Variants in CHIC1 observed in about 807,000 individuals in gnomAD.
The protein encoded by CHIC1 is cysteine-rich hydrophobic domain-containing protein 1.
Under a neutral mutation model 18.5 loss-of-function variants are expected in CHIC1, and 7 were observed. The observed-to-expected ratio is 0.38, with a 90% CI of 0.22 to 0.71. The LOEUF (loss-of-function observed/expected upper bound fraction) is 0.71, where lower values mean the gene tolerates loss of function less well. Among genes scored for constraint, CHIC1 ranks in the 30% least tolerant of loss-of-function variants. The pLI is 0.49. For missense variants in CHIC1, 159 were observed against 176.9 expected (o/e 0.90, Z 0.57); for synonymous variants, 77 against 73.5 (o/e 1.05, Z -0.25).
intron 3 of CHIC1, among the ~76,000 whole-genome samples, chrX:73,653,297 C>G (rs2057926832): frequency 9.0e-6 from 1 of 111,354 alleles, no homozygotes; most frequent in African/African-American, 3.3e-5. Context: ...TACACGTATA[C>G]CTATGTAACA....
chrX:73,660,592 C>T (rs920978612), intron 3 of CHIC1, among the ~76,000 whole-genome samples: 2 of 111,912 alleles, frequency 1.8e-5, no homozygotes, highest in African/African-American at 6.5e-5. Flanking sequence ...TTTGCTCAGC[C>T]TCCAGAGTTG....
intron 3 of CHIC1, among the ~76,000 whole-genome samples, chrX:73,666,606 TC>T (rs1237029244): frequency 8.9e-5 from 10 of 112,288 alleles, no homozygotes; most frequent in African/African-American, 3.2e-4. Flanking sequence ...ACACCCAGGA[TC>T]AATACTTTGT....
chrX:73,617,295 A>G (rs963956498), intron 3 of CHIC1, among the ~76,000 whole-genome samples: 1 of 111,665 alleles, frequency 9.0e-6, no homozygotes, highest in African/African-American at 3.3e-5. Flanking sequence ...TTCATTGTCC[A>G]TATTATTATT....
chrX:73,619,946 GA>G (rs1449798576), intron 3 of CHIC1, among the ~76,000 whole-genome samples: 19 of 111,174 alleles, frequency 1.7e-4, no homozygotes, highest in Non-Finnish European at 3.0e-4. Context: ...TAATGAGTGA[GA>G]ACATGCGGTG....
At chrX:73,618,211 T>C (rs1240767494) in intron 3 of CHIC1, among the ~76,000 whole-genome samples, 2 of 111,028 alleles carry the variant, frequency 1.8e-5, no homozygotes, top group Non-Finnish European at 3.8e-5. Context: ...TCTGCAAGGG[T>C]CCTTAGTTGT....
intron 3 of CHIC1, among the ~76,000 whole-genome samples, chrX:73,585,630 G>A (rs2057549169): frequency 9.0e-6 from 1 of 111,209 alleles, no homozygotes; most frequent in African/African-American, 3.3e-5. Flanking sequence ...TATTTTAAAA[G>A]CCTCAGTATG....
chrX:73,576,465 A>G (rs1268502482), intron 1 of CHIC1, among the ~76,000 whole-genome samples: 1 of 110,426 alleles, frequency 9.1e-6, no homozygotes, highest in African/African-American at 3.3e-5. Context: ...TTTCAGCTCC[A>G]TTATAATCTT....
In CHIC1 at chrX:73,584,546, T is replaced by C; in HGVS notation, c.481T>C (p.Trp161Arg). Residue 161 changes from tryptophan (W) to arginine (R), a missense_variant, in exon 3 of 6, where the codon TGG becomes CGG. Coordinates refer to ENST00000373502, the MANE Select transcript of CHIC1 (RefSeq NM_001039840.4). ...CCCCTLGCSL[W>R]PVICLNKRTR... is the part of the protein sequence containing the mutation. Reference sequence around the variant, plus strand: ...CTGTTGCACACTGGGTTGCAGCCTATGGCCTGTTATTTGTCTCAACAAAAG... The same window carrying C: ...CTGTTGCACACTGGGTTGCAGCCTACGGCCTGTTATTTGTCTCAACAAAAG... 1 of 1,159,442 alleles carries C rather than the reference T, an allele frequency of 8.6e-7. No individual in the cohort carries two copies. Among genetic ancestry groups the C allele is most frequent in the Non-Finnish European group, 1.2e-6 (1 of 867,640 alleles).
In CHIC1 at chrX:73,677,737, C is replaced by T. The variant is rs189536991; in HGVS notation, c.508-1589C>T. On this transcript the variant is annotated intron_variant, in intron 3 of 5. Coordinates refer to ENST00000373502, the MANE Select transcript of CHIC1 (RefSeq NM_001039840.4). The stretch of plus-strand genomic sequence containing the variant: ...TTCGGCTCGCACACGGTGCGCTGCA[C>T]CCACTGTCCTGCACCTACTTTCTGG... Among the ~76,000 whole-genome samples the T allele has an allele frequency of 1.4e-3, 160 of 112,179 alleles. No individual in the cohort carries two copies. The East Asian group carries it at 0.023, about 16-fold the overall frequency.
intron 3 of CHIC1, among the ~76,000 whole-genome samples, chrX:73,656,152 T>C (rs1264281105): frequency 9.0e-6 from 1 of 111,415 alleles, no homozygotes; most frequent in Admixed American, 9.6e-5. Context: ...TTTTAATGGA[T>C]TTTTCTCTTG....
chrX:73,678,263 TTTGG>T (rs200782207), intron 3 of CHIC1, among the ~76,000 whole-genome samples: 1,151 of 111,421 alleles, frequency 0.01, 18 homozygotes, highest in African/African-American at 0.036. Context: ...TAAGGCTTTG[TTTGG>T]GACAGCAGTG....
chrX:73,649,533 G>A (rs2057905358), intron 3 of CHIC1, among the ~76,000 whole-genome samples: 1 of 111,251 alleles, frequency 9.0e-6, no homozygotes, highest in South Asian at 3.8e-4. Context: ...AAAAAGCAGA[G>A]GTTGCAATCC....
intron 3 of CHIC1, among the ~76,000 whole-genome samples, chrX:73,631,157 A>G (rs770117334): frequency 9.0e-6 from 1 of 111,410 alleles, no homozygotes; most frequent in South Asian, 3.8e-4. Context: ...TTAAGCTAGC[A>G]AAAGGTTTGT....
Position 73,606,657 on chromosome X carries a change from G to A in CHIC1, c.507+22085G>A, listed in dbSNP as rs897958367. ...TGGTCTTTGATGTTGGTGACCTTTG[G>A]AACAGGTTTTTGTGTACGTCCTTTT... On this transcript the variant is annotated intron_variant, in intron 3 of 5. Transcript: ENST00000373502. 3.7e-5 allele frequency among the ~76,000 whole-genome samples: 4 copies of A among 108,447 alleles called. 1 individual carries two copies. Among genetic ancestry groups the A allele is most frequent in the Non-Finnish European group, 7.5e-5 (4 of 53,041 alleles). The allele number at this position is 108,447 out of a possible 115,157, so 94.2% of individuals were successfully genotyped here. A position where few individuals can be genotyped will look rare whatever the true frequency, so the allele number is the denominator to read the frequency against.
rs1426694758 is a variant in CHIC1 at position 73,643,671 on chromosome X, G to T, written c.508-35655G>T. Among the ~76,000 whole-genome samples the T allele has an allele frequency of 2.7e-5, 3 of 111,861 alleles. No homozygotes were observed. In the Admixed American group the frequency reaches 2.8e-4, roughly 11 times the overall value. ...CCAGTTGATCGCATCGGCTCCTGAGGCTTCTGCATTCTTCATGTAGTTGTC... is the reference window on the plus strand; with the variant it reads ...CCAGTTGATCGCATCGGCTCCTGAGTCTTCTGCATTCTTCATGTAGTTGTC... On this transcript the variant is annotated intron_variant, in intron 3 of 5. Coordinates refer to ENST00000373502, the MANE Select transcript of CHIC1 (RefSeq NM_001039840.4).
chrX:73,603,574 G>A (rs917337276), intron 3 of CHIC1, among the ~76,000 whole-genome samples: 10 of 108,531 alleles, frequency 9.2e-5, no homozygotes, highest in Non-Finnish European at 1.9e-4. Flanking sequence ...TCCTTGTCTT[G>A]TGCCGGTTTT....
At chrX:73,663,465 G>A (rs939015738) in intron 3 of CHIC1, among the ~76,000 whole-genome samples, 6 of 110,358 alleles carry the variant, frequency 5.4e-5, no homozygotes, top group Non-Finnish European at 1.1e-4. Flanking sequence ...GATTAACAGG[G>A]ATGAGCATGA....
intron 5 of CHIC1, 107 bp from the exon 6 acceptor site, chrX:73,680,848 G>T (rs2058095611): frequency 2.4e-6 from 1 of 424,342 alleles, no homozygotes; most frequent in Non-Finnish European, 4.0e-6. Flanking sequence ...TATGGTTCAG[G>T]ATTGAAATAT....
chrX:73,563,378 CCGTCGTCGTCGT>C lies in CHIC1; in HGVS notation c.100_111del (p.Ser34_Ser37del). On this transcript the variant is annotated inframe_deletion, in exon 1 of 6. Coordinates refer to ENST00000373502, the MANE Select transcript of CHIC1 (RefSeq NM_001039840.4). ...AGAAGCGGCAACGTCGTCGTCGTCG[CCGTCGTCGTCGT>C]CGTCGGTATCTGGGCCCGACGATGA... The C allele has an allele frequency of 1.7e-6, 2 of 1,153,743 alleles. No individual in the cohort carries two copies. Among genetic ancestry groups the C allele is most frequent in the Non-Finnish European group, 2.3e-6 (2 of 865,905 alleles).
Sources: allele counts gnomAD v4.1 joint callset (sites outside exome capture counted in the v4.1 genomes callset), GRCh38; gene constraint gnomAD v4.1.1; transcripts MANE v1.5; gene names NCBI Gene and HGNC (gene_info 2026-07-23, HGNC 2026-07-21).